Variants in RBBP8 observed in about 807,000 individuals in gnomAD.
RBBP8 encodes the protein RB binding protein 8, endonuclease.
Under a neutral mutation model 108.3 loss-of-function variants are expected in RBBP8, and 88 were observed. That is an observed-to-expected ratio of 0.81 (90% confidence interval 0.68 to 0.97). The LOEUF (loss-of-function observed/expected upper bound fraction) is 0.97, where lower values mean the gene tolerates loss of function less well. Ranked by LOEUF, RBBP8 falls within the 50% of genes least tolerant of loss-of-function variation. The pLI is 0.00. For missense variants in RBBP8, 1,023 were observed against 1,049.0 expected (o/e 0.98, Z 0.34); for synonymous variants, 332 against 348.2 (o/e 0.95, Z 0.52).
At position 22,991,216 on chromosome 18, in the gene RBBP8, C is replaced by G. The variant is rs2144693725; in HGVS notation, c.920+167C>G. Among the ~76,000 whole-genome samples the G allele has an allele frequency of 2.0e-5, 3 of 152,198 alleles. No individual in the cohort carries two copies. In the Middle Eastern group the frequency reaches 0.01, roughly 518 times the overall value. ...TCCCTAGTTTCTGACCAATTGAGAG[C>G]TTTTTTGCATTACAGTAGAAAGGTG... is the stretch of plus-strand genomic sequence containing the variant. On this transcript the variant is annotated intron_variant, in intron 10 of 18. Coordinates refer to ENST00000327155, the MANE Select transcript of RBBP8 (RefSeq NM_002894.3).
At chr18:23,015,853 G>A (rs2046246647) in intron 16 of RBBP8, among the ~76,000 whole-genome samples, 2 of 152,240 alleles carry the variant, frequency 1.3e-5, no homozygotes, top group Middle Eastern at 3.4e-3. Flanking sequence ...TTTGGTAACT[G>A]TAGCTTCGTA....
rs777711637 is a variant in RBBP8 at position 22,923,163 on chromosome 18, C to T, written c.-154+6137C>T. On this transcript the variant is annotated intron_variant, in intron 3 of 4. Coordinates refer to the RBBP8 transcript ENST00000577588. ...ATATATATATATATCTTCTCTCTCT[C>T]ATTTAATCCTATCAACAATCCTGCA... Among the ~76,000 whole-genome samples the T allele has an allele frequency of 6.6e-5, 10 of 152,248 alleles. No homozygotes were observed. In the South Asian group the frequency reaches 8.3e-4, roughly 13 times the overall value.
chr18:22,982,426 T>C, intron 7 of RBBP8, 33 bp downstream of exon 7: 1 of 1,612,232 alleles, frequency 6.2e-7, no homozygotes, highest in Non-Finnish European at 8.5e-7. Flanking sequence ...AGTTCTCTGG[T>C]TTTGTAAACC....
At chr18:22,981,248 G>A (rs1278667788) in intron 6 of RBBP8, among the ~76,000 whole-genome samples, 2 of 152,070 alleles carry the variant, frequency 1.3e-5, no homozygotes, top group African/African-American at 2.4e-5. Flanking sequence ...GGGATTACAC[G>A]TGTGAGCCAC....
intron 7 of RBBP8, among the ~76,000 whole-genome samples, chr18:22,984,311 C>T (rs957170319): frequency 6.6e-6 from 1 of 151,740 alleles, no homozygotes; most frequent in Non-Finnish European, 1.5e-5. Flanking sequence ...GTTTCCTTCC[C>T]GAAAATAGAA....
In RBBP8 at chr18:23,026,236, C is replaced by T. The variant is rs758344132; in HGVS notation, c.2690C>T (p.Thr897Ile). Residue 897 changes from threonine (T) to isoleucine (I), a missense_variant, in exon 19 of 19, where the codon ACA becomes ATA. Physicochemically the swap from Thr to Ile is moderately conservative, Grantham distance 89. Coordinates refer to ENST00000327155, the MANE Select transcript of RBBP8 (RefSeq NM_002894.3). ...IFSPKGKEQK[T>I] ...TCTCCAAAAGGCAAGGAGCAGAAGA[C>T]ATAGACGTTGAAACAGAAACAGAAG... 1.9e-6 allele frequency: 3 copies of T among 1,612,402 alleles called. No individual in the cohort carries two copies. The highest frequency in any genetic ancestry group is 2.5e-6 in the Non-Finnish European group (3 of 1,178,638).
intron 16 of RBBP8, among the ~76,000 whole-genome samples, chr18:23,011,356 CATTTT>C (rs2046156663): frequency 6.6e-6 from 1 of 151,966 alleles, no homozygotes. Flanking sequence ...TTCTGTGTCA[CATTTT>C]AGTAATTCTC....
At chr18:23,024,083 C>T (rs1209033104) in intron 18 of RBBP8, among the ~76,000 whole-genome samples, 1 of 143,592 alleles carries the variant, frequency 7.0e-6, no homozygotes, top group East Asian at 2.1e-4. Flanking sequence ...CGGGGTTTCA[C>T]CATACTGGCC....
At chr18:23,015,784 A>C (rs1243424624) in intron 16 of RBBP8, among the ~76,000 whole-genome samples, 1 of 152,076 alleles carries the variant, frequency 6.6e-6, no homozygotes, top group African/African-American at 2.4e-5. Flanking sequence ...GCATTCATTA[A>C]TTTCTGGTAC....
chr18:22,960,595 TA>T (rs966898450), intron 4 of RBBP8, among the ~76,000 whole-genome samples: 16 of 151,470 alleles, frequency 1.1e-4, no homozygotes, highest in African/African-American at 3.2e-4. Flanking sequence ...TCTCCCTTTA[TA>T]AAAAAAAAGT....
chr18:22,936,133 T>C (rs1348788423), intron 1 of RBBP8, among the ~76,000 whole-genome samples: 1 of 151,976 alleles, frequency 6.6e-6, no homozygotes, highest in African/African-American at 2.4e-5. Context: ...TGAGACAGGG[T>C]CTCTGTCGCT....
intron 9 of RBBP8, 32 bp from the exon 10 acceptor site, chr18:22,990,905 A>G: frequency 6.7e-7 from 1 of 1,488,528 alleles, no homozygotes; most frequent in Non-Finnish European, 9.4e-7. Context: ...AAATCCCATT[A>G]CATGGATGTG....
At chr18:22,955,483 A>AGAT (rs1426160826) in intron 4 of RBBP8, among the ~76,000 whole-genome samples, 1 of 152,202 alleles carries the variant, frequency 6.6e-6, no homozygotes, top group Non-Finnish European at 1.5e-5. Flanking sequence ...GCTACAGGAT[A>AGAT]GATGATAGAT....
intron 16 of RBBP8, among the ~76,000 whole-genome samples, chr18:23,007,568 G>T (rs1460398804): frequency 2.0e-5 from 3 of 151,126 alleles, no homozygotes; most frequent in Non-Finnish European, 4.4e-5. Flanking sequence ...GCCAGGTGTG[G>T]TGGCAGGCAC....
intron 18 of RBBP8, among the ~76,000 whole-genome samples, chr18:23,023,863 A>C: frequency 8.0e-6 from 1 of 124,584 alleles, no homozygotes; most frequent in South Asian, 2.6e-4. Context: ...GTTTTTATGA[A>C]GGGGCCTTTT....
In RBBP8 at chr18:23,001,669, A is replaced by G; in HGVS notation, c.2227A>G (p.Ser743Gly). ...AGAGTATGAATCCTGTTTGGCAGAC[A>G]GTTTCTCCCAAGCAGCAGATGAAGA... ...HEEYESCLAD[S>G]FSQAADEEEE... The change falls in exon 15 of 19, where the codon AGT becomes GGT. Residue 743 changes from serine (S) to glycine (G), a missense_variant. By Grantham distance (56) the Ser-to-Gly change is moderately conservative (BLOSUM62 0). Coordinates refer to ENST00000327155, the MANE Select transcript of RBBP8 (RefSeq NM_002894.3). 6.2e-7 allele frequency: 1 copy of G among 1,614,166 alleles called. No individual in the cohort carries two copies. The highest frequency in any genetic ancestry group is 8.5e-7 in the Non-Finnish European group (1 of 1,180,002).
chr18:23,025,406 CAA>C (rs143703349), intron 18 of RBBP8, among the ~76,000 whole-genome samples: 1 of 152,336 alleles, frequency 6.6e-6, no homozygotes, highest in Non-Finnish European at 1.5e-5. Context: ...CCAAAAGATG[CAA>C]AGTCTCTGAC....
chr18:22,985,265 G>T (rs1915243565), intron 8 of RBBP8, among the ~76,000 whole-genome samples: 2 of 152,062 alleles, frequency 1.3e-5, no homozygotes, highest in South Asian at 4.1e-4. Flanking sequence ...AGCATCTGTT[G>T]TATACCAGGC....
At chr18:22,965,025 G>GA (rs1186868503) in intron 4 of RBBP8, among the ~76,000 whole-genome samples, 9 of 151,980 alleles carry the variant, frequency 5.9e-5, no homozygotes, top group Non-Finnish European at 1.0e-4. Flanking sequence ...CAGTGAGGGG[G>GA]AAAAATTAGC....
Sources: gnomAD v4.1 joint callset for allele counts (sites outside exome capture counted in the v4.1 genomes callset) on GRCh38, gnomAD v4.1.1 for gene constraint, MANE v1.5 for transcripts, NCBI Gene and HGNC (gene_info 2026-07-23, HGNC 2026-07-21) for gene names.